FARP1: variants seen among roughly 807,000 people sequenced by gnomAD.
The protein encoded by FARP1 is FERM, ARHGEF and pleckstrin domain-containing protein 1.
A neutral mutation model predicts 128.8 loss-of-function variants in FARP1; 52 were observed. That is an observed-to-expected ratio of 0.40 (90% CI 0.32 to 0.51). The LOEUF is 0.51. FARP1 is among the 20% of genes least tolerant of loss of function. FARP1 has a pLI of 0.45. For missense variants in FARP1, 1,333 were observed against 1,367.9 expected (o/e 0.97, Z 0.40); for synonymous variants, 580 against 551.8 (o/e 1.05, Z -0.72).
intron 2 of FARP1, among the ~76,000 whole-genome samples, chr13:98,248,394 C>G (rs1396019478): frequency 6.6e-6 from 1 of 152,050 alleles, no homozygotes; most frequent in Non-Finnish European, 1.5e-5. Flanking sequence ...GAGGGCTTCC[C>G]CAAGGTATTT....
chr13:98,214,249 A>T (rs1019168839), intron 2 of FARP1, among the ~76,000 whole-genome samples: 3 of 152,146 alleles, frequency 2.0e-5, no homozygotes, highest in Non-Finnish European at 4.4e-5. Flanking sequence ...TGCACATCTT[A>T]TTCCCGGCAG....
intron 2 of FARP1, among the ~76,000 whole-genome samples, chr13:98,313,138 A>ACACT (rs1200928846): frequency 8.2e-6 from 1 of 121,798 alleles, no homozygotes; most frequent in Non-Finnish European, 1.7e-5. Flanking sequence ...ACACACACAC[A>ACACT]CACTCACTCG....
chr13:98,415,704 A>G (rs1462393360), intron 16 of FARP1, among the ~76,000 whole-genome samples: 1 of 152,282 alleles, frequency 6.6e-6, no homozygotes, highest in African/African-American at 2.4e-5. Context: ...AATGGATCAC[A>G]GGGAAGATTA....
Position 98,403,997 on chromosome 13 carries a change from T to TCCACCA in FARP1, c.1415-5325_1415-5320dup, listed in dbSNP as rs922843665. 2.3e-3 allele frequency: 339 copies of TCCACCA among 150,440 alleles called. 1 individual carries two copies. Among genetic ancestry groups the TCCACCA allele is most frequent in the Middle Eastern group, 0.014 (4 of 292 alleles). 9.3% of individuals were successfully genotyped at this position (150,440 alleles called of 1,614,324 possible). ...CCATGTTCCCAACCCAAACACTGCC[T>TCCACCA]CCACCACCACCACCACCACCATCAC... On this transcript the variant is annotated intron_variant, in intron 13 of 26. Coordinates refer to ENST00000319562, the MANE Select transcript of FARP1 (RefSeq NM_005766.4).
rs1566935179 is a variant in FARP1, at chr13:98,379,153, TATATATATAATATATAATCTATATATA to T, written c.496+1254_496+1280del. 3.8e-4 allele frequency among the ~76,000 whole-genome samples: 28 copies of T among 72,984 alleles called. 4 individuals carry two copies. Among genetic ancestry groups the T allele is most frequent in the Admixed American group, 1.2e-3 (7 of 6,084 alleles). 47.9% of individuals were successfully genotyped at this position (72,984 alleles called of 152,430 possible). ...TATATAATATATAATCTATATATAA[TATATATATAATATATAATCTATATATA>T]ATATATATAATATATAATATATATA... On this transcript the variant is annotated intron_variant, in intron 6 of 26. Coordinates refer to ENST00000319562, the MANE Select transcript of FARP1 (RefSeq NM_005766.4).
intron 12 of FARP1, among the ~76,000 whole-genome samples, chr13:98,394,572 C>T (rs1228910149): frequency 6.6e-6 from 1 of 152,104 alleles, no homozygotes; most frequent in African/African-American, 2.4e-5. Flanking sequence ...GAGGCCAAGG[C>T]GGGAGGATCA....
At chr13:98,216,912 G>A (rs1881093154) in intron 2 of FARP1, among the ~76,000 whole-genome samples, 1 of 152,156 alleles carries the variant, frequency 6.6e-6, no homozygotes, top group East Asian at 1.9e-4. Flanking sequence ...AAAACACCGT[G>A]CAAATAAGCT....
intron 2 of FARP1, among the ~76,000 whole-genome samples, chr13:98,293,223 G>C (rs1267767453): frequency 6.6e-6 from 1 of 152,126 alleles, no homozygotes; most frequent in East Asian, 1.9e-4. Flanking sequence ...GGCAAAGGAT[G>C]GTTATCATGC....
intron 2 of FARP1, among the ~76,000 whole-genome samples, chr13:98,287,360 G>T (rs1249639993): frequency 2.6e-5 from 4 of 151,346 alleles, no homozygotes; most frequent in Non-Finnish European, 5.9e-5. Flanking sequence ...CTCCCGAGTA[G>T]CTGGGACTAC....
At chr13:98,274,089 C>G (rs1454390355) in intron 2 of FARP1, among the ~76,000 whole-genome samples, 1 of 152,160 alleles carries the variant, frequency 6.6e-6, no homozygotes, top group Non-Finnish European at 1.5e-5. Flanking sequence ...TCTCCACCAG[C>G]ATACAGAGAT....
At chr13:98,448,147 T>G in intron 26 of FARP1, 89 bp from the exon 27 acceptor site, 2 of 1,150,014 alleles carry the variant, frequency 1.7e-6, no homozygotes, top group South Asian at 1.2e-5. Context: ...CGGCCTGACT[T>G]CACCTTGTGT....
intron 6 of FARP1, among the ~76,000 whole-genome samples, chr13:98,378,854 AAAAT>A (rs1473656891): frequency 7.0e-6 from 1 of 143,564 alleles, no homozygotes; most frequent in Non-Finnish European, 1.5e-5. Flanking sequence ...AAAAAACAAA[AAAAT>A]AGGTATCTTT....
chr13:98,368,880 G>A (rs547952787), intron 5 of FARP1, among the ~76,000 whole-genome samples: 79 of 150,644 alleles, frequency 5.2e-4, no homozygotes, highest in African/African-American at 1.9e-3. Context: ...CATCACCATC[G>A]TCATTATCAC....
Position 98,368,102 on chromosome 13 carries a change from T to C in FARP1, c.320-15T>C, listed in dbSNP as rs78897232. The C allele has an allele frequency of 4.4e-3, 6,994 of 1,607,604 alleles. 272 individuals carry two copies. The African/African-American group carries it at 0.081, about 19-fold the overall frequency. ...AATCAGTAAATGCTTTACTTCTTTTTTTCTTCTTCTTTAGGGCCAAAGCAC... is the reference window on the plus strand; with the variant it reads ...AATCAGTAAATGCTTTACTTCTTTTCTTCTTCTTCTTTAGGGCCAAAGCAC... On this transcript the variant is annotated splice_polypyrimidine_tract_variant and intron_variant, in intron 4 of 26. Transcript: ENST00000319562.
In FARP1 at chr13:98,440,026, C is replaced by A. The variant is rs1354478469; in HGVS notation, c.2499C>A (p.Ser833=). The change falls in exon 22 of 27, where the codon TCC becomes TCA. Residue 833 remains serine, a synonymous_variant. Coordinates refer to ENST00000319562, the MANE Select transcript of FARP1 (RefSeq NM_005766.4). The part of the protein sequence containing the change: ...HCLTLRGQRQ[S]IIVAASSRSE... Reference sequence around the variant, plus strand: ...TGACCCTCCGGGGCCAGCGGCAGTCCATCATCGTGGCCGCCAGGTAACTCG... The same window carrying A: ...TGACCCTCCGGGGCCAGCGGCAGTCAATCATCGTGGCCGCCAGGTAACTCG... 1.2e-6 allele frequency: 2 copies of A among 1,606,426 alleles called. No homozygotes were observed. Among genetic ancestry groups the A allele is most frequent in the South Asian group, 2.2e-5 (2 of 90,444 alleles).
rs73567641 is a variant in FARP1 at position 98,368,906 on chromosome 13, A to C, written c.398+711A>C. Among the ~76,000 whole-genome samples, 714 of 146,348 alleles carry C rather than the reference A, an allele frequency of 4.9e-3. 5 individuals are homozygous for C. Among genetic ancestry groups the C allele is most frequent in the African/African-American group, 0.017 (678 of 39,656 alleles). On this transcript the variant is annotated intron_variant, in intron 5 of 26. Coordinates refer to ENST00000319562, the MANE Select transcript of FARP1 (RefSeq NM_005766.4). ...TCATTATCACCATCATCACATCATC[A>C]CTTCTACTCATTTTATATATACCTT... is the stretch of plus-strand genomic sequence containing the variant.
rs945247626 is a variant in FARP1 at position 98,320,134 on chromosome 13, C to T, written c.172-23628C>T. ...CTGCCGTCTTCCCTTCATCTGCAGA[C>T]CTGCATGCTTAGTGTCTCCAGGCCT... is the stretch of plus-strand genomic sequence containing the variant. On this transcript the variant is annotated intron_variant, in intron 2 of 26. Coordinates refer to ENST00000319562, the MANE Select transcript of FARP1 (RefSeq NM_005766.4). Among the ~76,000 whole-genome samples the T allele has an allele frequency of 4.5e-4, 69 of 152,132 alleles. 1 individual carries two copies. Among genetic ancestry groups the T allele is most frequent in the Non-Finnish European group, 2.5e-4 (17 of 68,030 alleles).
intron 3 of FARP1, among the ~76,000 whole-genome samples, chr13:98,353,266 T>A (rs1888509947): frequency 6.6e-6 from 1 of 151,794 alleles, no homozygotes; most frequent in South Asian, 2.1e-4. Context: ...AGGGCGGGAG[T>A]TCAGTTTGGA....
At chr13:98,380,710 A>G (rs1390532950) in intron 6 of FARP1, among the ~76,000 whole-genome samples, 2 of 151,712 alleles carry the variant, frequency 1.3e-5, no homozygotes, top group Middle Eastern at 3.4e-3. Flanking sequence ...AGTAGCTGGG[A>G]CTCTAGGCAC....
Sources: allele counts gnomAD v4.1 joint callset (sites outside exome capture counted in the v4.1 genomes callset), GRCh38; gene constraint gnomAD v4.1.1; transcripts MANE v1.5; gene names NCBI Gene and HGNC (gene_info 2026-07-23, HGNC 2026-07-21).